The following AGBL1 variants were observed in gnomAD, a reference collection of about 807,000 sequenced individuals.
The protein encoded by AGBL1 is cytosolic carboxypeptidase 4.
Under a neutral mutation model 118.9 loss-of-function variants are expected in AGBL1, and 130 were observed. That is an observed-to-expected ratio of 1.09 (90% CI 0.95 to 1.26). The LOEUF is 1.26. Ranked by LOEUF, AGBL1 falls within the 50% of genes most tolerant of loss-of-function variation. AGBL1 has a pLI of 0.00. For synonymous variants in AGBL1, 555 were observed against 478.9 expected (o/e 1.16, Z -2.08); for missense variants, 1,584 against 1,298.1 (o/e 1.22, Z -3.38).
intron 21 of AGBL1, among the ~76,000 whole-genome samples, chr15:86,565,412 C>T (rs570842822): frequency 1.2e-4 from 18 of 152,334 alleles, no homozygotes; most frequent in African/African-American, 3.8e-4. Context: ...ACCCTGTTTG[C>T]CTGGGTATCA....
intron 1 of AGBL1, among the ~76,000 whole-genome samples, chr15:86,127,024 A>G (rs567162557): frequency 1.3e-5 from 2 of 152,312 alleles, no homozygotes; most frequent in East Asian, 3.9e-4. Context: ...TCATGAGATG[A>G]GGAGGCTACA....
At chr15:86,626,092 A>G (rs1334731419) in intron 21 of AGBL1, among the ~76,000 whole-genome samples, 2 of 152,226 alleles carry the variant, frequency 1.3e-5, no homozygotes, top group Non-Finnish European at 2.9e-5. Context: ...TGTGGAAGAC[A>G]GTGTAGCAAT....
chr15:86,916,000 G>T lies in AGBL1; in HGVS notation c.*8706G>T, dbSNP rs1207413341. The T allele has an allele frequency of 1.3e-5, 2 of 152,114 alleles. No homozygotes were observed. The highest frequency in any genetic ancestry group is 2.9e-5 in the Non-Finnish European group (2 of 68,042). The allele number at this position is 152,114 out of a possible 1,614,324, so 9.4% of individuals were successfully genotyped here. ...AGCAATTTCTTGTTTCCTCCAAATG[G>T]CCTGTAGAGGTCAGAAAAGGGCCTT... On this transcript the variant is annotated 3_prime_UTR_variant, in exon 23 of 23. Coordinates refer to ENST00000614907, the MANE Select transcript of AGBL1 (RefSeq NM_001386094.1).
chr15:86,899,503 C>A (rs2080182118), intron 22 of AGBL1, among the ~76,000 whole-genome samples: 1 of 152,094 alleles, frequency 6.6e-6, no homozygotes, highest in Admixed American at 6.6e-5. Context: ...ACCTATGTAA[C>A]AAGCCTTCAC....
At chr15:86,993,007 C>G (rs1282156703) in intron 24 of AGBL1, among the ~76,000 whole-genome samples, 3 of 152,046 alleles carry the variant, frequency 2.0e-5, no homozygotes. Context: ...AGCAGAGGTC[C>G]TCAATCTAAC....
intron 5 of AGBL1, among the ~76,000 whole-genome samples, chr15:86,222,111 C>G (rs80230660): frequency 6.6e-6 from 1 of 152,096 alleles, no homozygotes; most frequent in Non-Finnish European, 1.5e-5. Flanking sequence ...CTTCCTGGGG[C>G]AGCCCTCTAT....
At chr15:86,349,066 A>G (rs545592777) in intron 17 of AGBL1, among the ~76,000 whole-genome samples, 2 of 152,316 alleles carry the variant, frequency 1.3e-5, no homozygotes, top group East Asian at 1.9e-4. Context: ...AGATACAGAG[A>G]TTGGGATTGG....
At chr15:86,234,780 C>T (rs2078512702) in intron 6 of AGBL1, among the ~76,000 whole-genome samples, 1 of 152,134 alleles carries the variant, frequency 6.6e-6, no homozygotes, top group African/African-American at 2.4e-5. Flanking sequence ...AGTGGGAGTA[C>T]AGTACTGGAT....
intron 22 of AGBL1, among the ~76,000 whole-genome samples, chr15:86,862,859 A>G (rs1434983923): frequency 2.0e-5 from 3 of 152,274 alleles, no homozygotes; most frequent in Non-Finnish European, 4.4e-5. Flanking sequence ...AGAAGAGGAA[A>G]GCAAGAAGGT....
chr15:86,530,221 G>A (rs560983970), intron 19 of AGBL1, among the ~76,000 whole-genome samples: 5,185 of 136,214 alleles, frequency 0.038, 182 homozygotes, highest in African/African-American at 0.087. Flanking sequence ...CCCATCTCAC[G>A]TGCAGAGACA....
intron 1 of AGBL1, among the ~76,000 whole-genome samples, chr15:86,123,633 T>C (rs2141587394): frequency 6.6e-6 from 1 of 152,352 alleles, no homozygotes; most frequent in East Asian, 1.9e-4. Flanking sequence ...CAAAAAATGT[T>C]TGAATCCGCC....
chr15:86,538,783 C>A (rs765858858), intron 19 of AGBL1, among the ~76,000 whole-genome samples: 2 of 152,176 alleles, frequency 1.3e-5, no homozygotes, highest in Non-Finnish European at 2.9e-5. Context: ...CAAAGCAGAG[C>A]GGTAAACACA....
intron 24 of AGBL1, among the ~76,000 whole-genome samples, chr15:87,013,606 A>T (rs1276702539): frequency 6.6e-6 from 1 of 152,100 alleles, no homozygotes; most frequent in Non-Finnish European, 1.5e-5. Flanking sequence ...TCCAAGACCC[A>T]TGCAGGTGAT....
intron 24 of AGBL1, among the ~76,000 whole-genome samples, chr15:87,007,395 A>G (rs2081515824): frequency 6.6e-6 from 1 of 152,256 alleles, no homozygotes; most frequent in South Asian, 2.1e-4. Flanking sequence ...TATTTCCTCA[A>G]GAAAATCAAT....
At chr15:86,383,147 T>C (rs2081134867) in intron 17 of AGBL1, among the ~76,000 whole-genome samples, 1 of 149,840 alleles carries the variant, frequency 6.7e-6, no homozygotes, top group South Asian at 2.1e-4. Context: ...TTCTGCTGTC[T>C]AGATGTCAGC....
intron 17 of AGBL1, among the ~76,000 whole-genome samples, chr15:86,395,861 C>T (rs528228036): frequency 6.6e-4 from 100 of 151,836 alleles, no homozygotes; most frequent in Non-Finnish European, 1.2e-3. Flanking sequence ...TCTTCCATTG[C>T]CTATTCTTTA....
intron 24 of AGBL1, among the ~76,000 whole-genome samples, chr15:87,014,053 A>G (rs1236191632): frequency 6.6e-6 from 1 of 152,202 alleles, no homozygotes; most frequent in African/African-American, 2.4e-5. Context: ...ACTATAATCA[A>G]TAATAATAAA....
At chr15:86,380,960 A>G (rs1480424288) in intron 17 of AGBL1, among the ~76,000 whole-genome samples, 1 of 149,268 alleles carries the variant, frequency 6.7e-6, no homozygotes, top group Admixed American at 6.6e-5. Context: ...GTGTGTGTGT[A>G]CCAGTCACTG....
chr15:86,962,592 G>A (rs2141688112), intron 23 of AGBL1, among the ~76,000 whole-genome samples: 1 of 152,134 alleles, frequency 6.6e-6, no homozygotes, highest in South Asian at 2.1e-4. Flanking sequence ...AGACAATGAT[G>A]CAGAGTAAAT....
Sources: allele counts gnomAD v4.1 joint callset (sites outside exome capture counted in the v4.1 genomes callset), GRCh38; gene constraint gnomAD v4.1.1; transcripts MANE v1.5; gene names NCBI Gene and HGNC (gene_info 2026-07-23, HGNC 2026-07-21).